Variants in CUL5 observed in about 807,000 individuals in gnomAD.
The protein encoded by CUL5 is cullin-5.
CUL5 carries 26 observed loss-of-function variants against 108.8 expected under a neutral mutation model. That is an observed-to-expected ratio of 0.24 (90% confidence interval 0.18 to 0.33). The LOEUF (loss-of-function observed/expected upper bound fraction) is 0.33. Ranked by LOEUF, CUL5 falls within the 10% of genes least tolerant of loss-of-function variation. CUL5 has a pLI of 1.00. For missense variants in CUL5, 524 were observed against 909.2 expected, an observed-to-expected ratio of 0.58 and a Z score of 5.45; for synonymous variants, 334 against 298.0, an observed-to-expected ratio of 1.12 and a Z score of -1.25.
At chr11:108,054,222 C>T (rs1863315400) in intron 5 of CUL5, among the ~76,000 whole-genome samples, 1 of 152,150 alleles carries the variant, frequency 6.6e-6, no homozygotes, top group African/African-American at 2.4e-5. Flanking sequence ...TACCATTCTA[C>T]CTTACCTTCT....
chr11:108,077,384 C>T (rs906340305), intron 10 of CUL5, among the ~76,000 whole-genome samples: 6 of 152,004 alleles, frequency 3.9e-5, no homozygotes, highest in East Asian at 1.9e-4. Flanking sequence ...TGGTGGCTTA[C>T]GCCTGTAATC....
At chr11:108,043,916 G>A (rs1263521976) in intron 2 of CUL5, among the ~76,000 whole-genome samples, 8 of 152,130 alleles carry the variant, frequency 5.3e-5, no homozygotes, top group Non-Finnish European at 5.9e-5. Flanking sequence ...CCAGCTACTT[G>A]GGAGGCTGAG....
intron 10 of CUL5, among the ~76,000 whole-genome samples, chr11:108,074,926 T>C (rs1329852531): frequency 6.6e-6 from 1 of 152,204 alleles, no homozygotes; most frequent in Non-Finnish European, 1.5e-5. Context: ...AAAGGCTTCA[T>C]AGGAAGCCAG....
chr11:108,050,528 G>A (rs530536341), intron 4 of CUL5, among the ~76,000 whole-genome samples: 4 of 151,878 alleles, frequency 2.6e-5, no homozygotes, highest in South Asian at 4.2e-4. Context: ...TACCACACCC[G>A]GCTATTTTAT....
At chr11:108,015,805 C>T (rs1302976239) in intron 1 of CUL5, among the ~76,000 whole-genome samples, 1 of 152,142 alleles carries the variant, frequency 6.6e-6, no homozygotes, top group Non-Finnish European at 1.5e-5. Context: ...AAGGAAGTGG[C>T]AGCTCAGGGT....
intron 4 of CUL5, among the ~76,000 whole-genome samples, chr11:108,051,553 CTTG>C (rs934831658): frequency 2.0e-5 from 3 of 152,168 alleles, no homozygotes; most frequent in African/African-American, 7.2e-5. Flanking sequence ...ACTGTTAACT[CTTG>C]TTGTTATTGT....
At position 108,025,733 on chromosome 11, in the gene CUL5, C is replaced by T. The variant is rs145769859; in HGVS notation, c.25-8069C>T. Among the ~76,000 whole-genome samples, 347 of 152,266 alleles carry T rather than the reference C, an allele frequency of 2.3e-3. 4 individuals are homozygous for T. The highest frequency in any genetic ancestry group is 7.3e-3 in the African/African-American group (303 of 41,540). On this transcript the variant is annotated intron_variant, in intron 1 of 18. Transcript: ENST00000393094. ...TCACACCCAGGTACAGGTTAGTACT[C>T]AGCCACAGGCCTCAGGGACCTTCTG...
At chr11:108,082,662 T>G (rs76021043) in intron 11 of CUL5, among the ~76,000 whole-genome samples, 1 of 152,132 alleles carries the variant, frequency 6.6e-6, no homozygotes, top group Non-Finnish European at 1.5e-5. Context: ...TTCTTTTTTT[T>G]CAGACAGGGT....
At chr11:108,021,812 A>G (rs1237998944) in intron 1 of CUL5, among the ~76,000 whole-genome samples, 2 of 146,028 alleles carry the variant, frequency 1.4e-5, no homozygotes, top group African/African-American at 5.0e-5. Context: ...CACACCGCCC[A>G]GTTTATTTAT....
chr11:108,080,465 G>A (rs1864051440), intron 11 of CUL5, among the ~76,000 whole-genome samples: 1 of 151,752 alleles, frequency 6.6e-6, no homozygotes, highest in South Asian at 2.1e-4. Context: ...GTCTGATCTT[G>A]TCTTACTGCA....
In CUL5 at chr11:108,104,413, C is replaced by T; in HGVS notation, c.*29C>T. On this transcript the variant is annotated 3_prime_UTR_variant, in exon 19 of 19. Coordinates refer to ENST00000393094, the MANE Select transcript of CUL5 (RefSeq NM_003478.6). Reference sequence around the variant, plus strand: ...TGAATATCATGGACAATATTTAGAACCCAAATTTTGGAGTGCTTGGGCAGA... The same window carrying T: ...TGAATATCATGGACAATATTTAGAATCCAAATTTTGGAGTGCTTGGGCAGA... 7.0e-7 allele frequency: 1 copy of T among 1,421,064 alleles called. No homozygotes were observed. The highest frequency in any genetic ancestry group is 1.6e-5 in the South Asian group (1 of 63,286). The allele number at this position is 1,421,064 out of a possible 1,614,324, so 88.0% of individuals were successfully genotyped here. A position where few individuals can be genotyped will look rare whatever the true frequency, so the allele number is the denominator to read the frequency against.
At chr11:108,058,245 C>CTTTT (rs771714382) in intron 7 of CUL5, among the ~76,000 whole-genome samples, 9,532 of 100,034 alleles carry the variant, frequency 0.095, 574 homozygotes, top group Non-Finnish European at 0.11. Context: ...TGAAGAGTGC[C>CTTTT]TTTTTTTTTT....
At chr11:108,081,738 C>T (rs772920398) in intron 11 of CUL5, among the ~76,000 whole-genome samples, 36 of 152,106 alleles carry the variant, frequency 2.4e-4, no homozygotes, top group Non-Finnish European at 4.4e-4. Flanking sequence ...GGTGAGAGTG[C>T]GAGTCTCCGT....
chr11:108,033,744 ATAC>A, intron 1 of CUL5, 55 bp from the exon 2 acceptor site: 11 of 1,072,618 alleles, frequency 1.0e-5, no homozygotes, highest in Non-Finnish European at 1.5e-5. Flanking sequence ...AAATTACAGG[ATAC>A]TTTTTATTTA....
rs1861991528 is a variant in CUL5, at chr11:108,009,139, G to C, written c.-210G>C. 1 of 597,518 alleles carries C rather than the reference G, an allele frequency of 1.7e-6. No individual in the cohort carries two copies. Among genetic ancestry groups the C allele is most frequent in the African/African-American group, 1.9e-5 (1 of 53,134 alleles). The allele number at this position is 597,518 out of a possible 1,614,324, so 37.0% of individuals were successfully genotyped here. ...TGCATGAGGTCTTTCGCGTGGGGAA[G>C]CTCCGGTGACCATGTAGGGGAGAAG... On this transcript the variant is annotated 5_prime_UTR_variant, in exon 1 of 19. Coordinates refer to ENST00000393094, the MANE Select transcript of CUL5 (RefSeq NM_003478.6).
intron 18 of CUL5, 41 bp downstream of exon 18, chr11:108,098,570 T>TA (rs901359800): frequency 3.6e-5 from 49 of 1,366,386 alleles, no homozygotes; most frequent in Non-Finnish European, 4.3e-5. Flanking sequence ...TAAAAAAACT[T>TA]TAGTTTTTTT....
Position 108,094,415 on chromosome 11 carries a change from G to A in CUL5, c.1468G>A (p.Val490Ile). The A allele has an allele frequency of 6.3e-7, 1 of 1,586,638 alleles. No individual in the cohort carries two copies. The highest frequency in any genetic ancestry group is 8.6e-7 in the Non-Finnish European group (1 of 1,168,200). ...GGAAGTTGGTATGCCAGCGGATTAT[G>A]TAAACAAGCTTGCTAGAATGTTTCA... Reference protein sequence around the residue: ...LREVGMPADYVNKLARMFQDI... With the variant: ...LREVGMPADYINKLARMFQDI... Residue 490 changes from valine (V) to isoleucine (I), a missense_variant, in exon 14 of 19, where the codon GTA becomes ATA. Coordinates refer to ENST00000393094, the MANE Select transcript of CUL5 (RefSeq NM_003478.6).
chr11:108,071,334 C>T (rs142318682), intron 8 of CUL5, among the ~76,000 whole-genome samples: 2,058 of 152,216 alleles, frequency 0.014, 45 homozygotes, highest in African/African-American at 0.047. Context: ...GATCACAATT[C>T]ACTGTAGCCT....
At position 108,052,657 on chromosome 11, in the gene CUL5, T is replaced by C; in HGVS notation, c.412-3T>C. Reference sequence around the variant, plus strand: ...ATGTTACAATTTGTTCTTGTTTTCCTAGCTTATGCTTGATACATGGAATGA... The same window carrying C: ...ATGTTACAATTTGTTCTTGTTTTCCCAGCTTATGCTTGATACATGGAATGA... On this transcript the variant is annotated splice_region_variant and splice_polypyrimidine_tract_variant and intron_variant, in intron 4 of 18. Coordinates refer to ENST00000393094, the MANE Select transcript of CUL5 (RefSeq NM_003478.6). The C allele has an allele frequency of 6.3e-7, 1 of 1,595,616 alleles. No homozygotes were observed. Among genetic ancestry groups the C allele is most frequent in the African/African-American group, 1.3e-5 (1 of 74,130 alleles).
Sources: gnomAD v4.1 joint callset for allele counts (sites outside exome capture counted in the v4.1 genomes callset) on GRCh38, gnomAD v4.1.1 for gene constraint, MANE v1.5 for transcripts, NCBI Gene and HGNC (gene_info 2026-07-23, HGNC 2026-07-21) for gene names.